ZNF385B: variants seen among roughly 807,000 people sequenced by gnomAD.
ZNF385B encodes zinc finger protein 385B, also known as zinc finger protein 533.
Under a neutral mutation model 39.2 loss-of-function variants are expected in ZNF385B, and 23 were observed. The ratio of observed to expected loss-of-function variants is 0.59; its 90% CI spans 0.42 to 0.83. ZNF385B has a LOEUF of 0.83. Ranked by LOEUF, ZNF385B falls within the 40% of genes least tolerant of loss-of-function variation. ZNF385B has a pLI of 0.00. For synonymous variants in ZNF385B, 205 were observed against 222.6 expected (o/e 0.92, Z 0.70); for missense variants, 552 against 598.9 (o/e 0.92, Z 0.82).
intron 4 of ZNF385B, among the ~76,000 whole-genome samples, chr2:179,530,200 T>C (rs2059171953): frequency 1.3e-5 from 2 of 152,144 alleles, no homozygotes; most frequent in South Asian, 4.1e-4. Flanking sequence ...ATCCCCAAAA[T>C]TGTCCTCAAA....
At chr2:179,551,421 C>A (rs2060559778) in intron 3 of ZNF385B, among the ~76,000 whole-genome samples, 1 of 149,838 alleles carries the variant, frequency 6.7e-6, no homozygotes. Context: ...TGATAAGACC[C>A]TGAAAAACGA....
intron 3 of ZNF385B, among the ~76,000 whole-genome samples, chr2:179,676,312 T>C (rs1215842995): frequency 6.6e-6 from 1 of 151,008 alleles, no homozygotes; most frequent in African/African-American, 2.4e-5. Context: ...ATGGTCTCGA[T>C]CTCCCGACGT....
chr2:179,670,808 G>T (rs779396529), intron 3 of ZNF385B, among the ~76,000 whole-genome samples: 15 of 152,308 alleles, frequency 9.8e-5, no homozygotes, highest in African/African-American at 1.2e-4. Context: ...TCAAAAATGA[G>T]AACTTTTGAT....
chr2:179,653,983 T>A (rs1163432317), intron 3 of ZNF385B, among the ~76,000 whole-genome samples: 1 of 152,158 alleles, frequency 6.6e-6, no homozygotes, highest in Non-Finnish European at 1.5e-5. Context: ...AAAAACAGTT[T>A]TAATAGAGAA....
intron 3 of ZNF385B, among the ~76,000 whole-genome samples, chr2:179,555,637 CT>C (rs1394311422): frequency 6.7e-6 from 1 of 149,146 alleles, no homozygotes; most frequent in East Asian, 1.9e-4. Context: ...TTTTTGAGTT[CT>C]TTTTTTTCTA....
chr2:179,723,142 C>T (rs549551154), intron 3 of ZNF385B, among the ~76,000 whole-genome samples: 35 of 152,234 alleles, frequency 2.3e-4, no homozygotes, highest in Non-Finnish European at 4.4e-4. Flanking sequence ...TAGGGAAATA[C>T]TTTGGCATTC....
At chr2:179,760,149 A>C (rs1703282526) in intron 3 of ZNF385B, among the ~76,000 whole-genome samples, 1 of 151,244 alleles carries the variant, frequency 6.6e-6, no homozygotes, top group South Asian at 2.1e-4. Flanking sequence ...ATAATAGTGT[A>C]ATCAGGATAT....
At chr2:179,785,053 G>A (rs761473751) in intron 1 of ZNF385B, among the ~76,000 whole-genome samples, 12 of 151,996 alleles carry the variant, frequency 7.9e-5, no homozygotes, top group Non-Finnish European at 1.6e-4. Context: ...ATAATATAAT[G>A]TATTTACCCA....
At chr2:179,462,478 C>G (rs2105475930) in intron 6 of ZNF385B, among the ~76,000 whole-genome samples, 1 of 152,170 alleles carries the variant, frequency 6.6e-6, no homozygotes, top group African/African-American at 2.4e-5. Context: ...TTGTTCGTCT[C>G]CTCCTTACCT....
At chr2:179,838,308 CAT>C (rs1313454344) in intron 1 of ZNF385B, among the ~76,000 whole-genome samples, 2 of 152,218 alleles carry the variant, frequency 1.3e-5, no homozygotes, top group Non-Finnish European at 2.9e-5. Flanking sequence ...TCCCTAATCA[CAT>C]GTCCCAAGCA....
chr2:179,629,058 T>C (rs1690939764), intron 3 of ZNF385B, among the ~76,000 whole-genome samples: 1 of 152,234 alleles, frequency 6.6e-6, no homozygotes, highest in African/African-American at 2.4e-5. Flanking sequence ...CTGTGTCTTT[T>C]TGACATGACC....
At chr2:179,591,411 T>C (rs1186109103) in intron 3 of ZNF385B, among the ~76,000 whole-genome samples, 1 of 152,152 alleles carries the variant, frequency 6.6e-6, no homozygotes, top group Non-Finnish European at 1.5e-5. Flanking sequence ...GAAAGGGCTT[T>C]GGGTATATGA....
intron 3 of ZNF385B, among the ~76,000 whole-genome samples, chr2:179,714,133 A>G (rs1700173493): frequency 6.6e-6 from 1 of 152,226 alleles, no homozygotes; most frequent in African/African-American, 2.4e-5. Flanking sequence ...AGCTACTTAG[A>G]AAGTCTAAGG....
chr2:179,682,880 T>C (rs1205863262), intron 3 of ZNF385B, among the ~76,000 whole-genome samples: 1 of 152,204 alleles, frequency 6.6e-6, no homozygotes, highest in African/African-American at 2.4e-5. Flanking sequence ...TAAGGGTTCC[T>C]GGTCAGGAAG....
At chr2:179,580,441 T>C (rs572656569) in intron 3 of ZNF385B, among the ~76,000 whole-genome samples, 32 of 152,256 alleles carry the variant, frequency 2.1e-4, no homozygotes, top group African/African-American at 6.3e-4. Flanking sequence ...GAAAGACCAG[T>C]GTTATGGACT....
chr2:179,610,116 T>G (rs966513613), intron 3 of ZNF385B, among the ~76,000 whole-genome samples: 8 of 152,304 alleles, frequency 5.3e-5, no homozygotes, highest in African/African-American at 1.9e-4. Flanking sequence ...TTGTTGGCTA[T>G]TACTCAAGAA....
intron 3 of ZNF385B, among the ~76,000 whole-genome samples, chr2:179,624,492 T>A (rs1167944724): frequency 6.6e-6 from 1 of 152,230 alleles, no homozygotes; most frequent in East Asian, 1.9e-4. Flanking sequence ...CAATTGTGGA[T>A]TGTTGTAGGA....
At chr2:179,816,897 TC>T (rs542175700) in intron 1 of ZNF385B, among the ~76,000 whole-genome samples, 17 of 152,312 alleles carry the variant, frequency 1.1e-4, no homozygotes, top group Admixed American at 1.0e-3. Context: ...AAGATTTTTT[TC>T]CCTTTTTCTT....
At chr2:179,527,417 T>A (rs6710463) in intron 4 of ZNF385B, among the ~76,000 whole-genome samples, 1 of 151,862 alleles carries the variant, frequency 6.6e-6, no homozygotes, top group Non-Finnish European at 1.5e-5. Context: ...CCAAACAATA[T>A]TTGTATATTC....
Sources: gnomAD v4.1 joint callset for allele counts (sites outside exome capture counted in the v4.1 genomes callset) on GRCh38, gnomAD v4.1.1 for gene constraint, MANE v1.5 for transcripts, NCBI Gene and HGNC (gene_info 2026-07-23, HGNC 2026-07-21) for gene names.